KCNIP1: variants seen among roughly 807,000 people sequenced by gnomAD.
KCNIP1 encodes A-type potassium channel modulatory protein KCNIP1.
A neutral mutation model predicts 33.0 loss-of-function variants in KCNIP1; 18 were observed. The ratio of observed to expected loss-of-function variants is 0.55; its 90% CI spans 0.38 to 0.81. The LOEUF is 0.81. Ranked by LOEUF, KCNIP1 falls within the 30% of genes least tolerant of loss-of-function variation. The pLI, the probability that KCNIP1 is intolerant of heterozygous loss-of-function variation, is 0.00. For missense variants in KCNIP1, 238 were observed against 271.6 expected (o/e 0.88, Z 0.87); for synonymous variants, 93 against 98.3 (o/e 0.95, Z 0.32).
At chr5:170,457,632 T>A (rs4867604) in intron 1 of KCNIP1, among the ~76,000 whole-genome samples, 2 of 151,868 alleles carry the variant, frequency 1.3e-5, no homozygotes, top group African/African-American at 4.8e-5. Context: ...GCCACATCCC[T>A]AGGAAAAGGG....
At chr5:170,440,869 C>T (rs1029725197) in intron 1 of KCNIP1, among the ~76,000 whole-genome samples, 3 of 152,154 alleles carry the variant, frequency 2.0e-5, no homozygotes, top group Admixed American at 6.5e-5. Context: ...ATGAAGCTTC[C>T]GCTCTGGACA....
chr5:170,465,831 G>T (rs1449546660), intron 1 of KCNIP1, among the ~76,000 whole-genome samples: 1 of 152,188 alleles, frequency 6.6e-6, no homozygotes. Flanking sequence ...CAAGTGCAAG[G>T]TCCCAAGAGG....
intron 1 of KCNIP1, among the ~76,000 whole-genome samples, chr5:170,531,671 G>C (rs1244492100): frequency 3.9e-5 from 6 of 152,316 alleles, no homozygotes; most frequent in Admixed American, 1.3e-4. Flanking sequence ...AACAGGATCT[G>C]TTCCTTTCCC....
chr5:170,374,038 A>G (rs560544377), intron 1 of KCNIP1, among the ~76,000 whole-genome samples: 1 of 152,248 alleles, frequency 6.6e-6, no homozygotes, highest in East Asian at 1.9e-4. Flanking sequence ...CAAACACAAG[A>G]CCAATTCAAA....
At position 170,504,731 on chromosome 5, in the gene KCNIP1, T is replaced by G; in HGVS notation, c.61+98T>G. The stretch of plus-strand genomic sequence containing the variant: ...CTGCCTCCCTTAGTCCGGACTCTCC[T>G]CTCCACGAGGAGCCCGGACAGGTGC... On this transcript the variant is annotated intron_variant, in intron 1 of 7. Coordinates refer to ENST00000328939, the MANE Select transcript of KCNIP1 (RefSeq NM_014592.4). This position sits in a 1 kb window ranked among gnomAD's most constrained non-coding sequence, Gnocchi z 6.0. 1 of 1,004,446 alleles carries G rather than the reference T, an allele frequency of 1.0e-6. No homozygotes were observed. The highest frequency in any genetic ancestry group is 1.3e-5 in the South Asian group (1 of 77,362). The allele number at this position is 1,004,446 out of a possible 1,614,324, so 62.2% of individuals were successfully genotyped here.
At chr5:170,457,220 CA>C (rs1756402355) in intron 1 of KCNIP1, among the ~76,000 whole-genome samples, 1 of 129,130 alleles carries the variant, frequency 7.7e-6, no homozygotes, top group South Asian at 2.7e-4. Flanking sequence ...ACACAAACTA[CA>C]AAAACTGACT....
chr5:170,426,273 A>AC (rs59199875), intron 1 of KCNIP1, among the ~76,000 whole-genome samples: 93 of 151,694 alleles, frequency 6.1e-4, no homozygotes, highest in Non-Finnish European at 7.8e-4. Flanking sequence ...ACACACACAC[A>AC]AACACACACA....
chr5:170,458,179 C>T (rs1756430832), intron 1 of KCNIP1, among the ~76,000 whole-genome samples: 1 of 152,126 alleles, frequency 6.6e-6, no homozygotes, highest in African/African-American at 2.4e-5. Context: ...TGAACAAAGC[C>T]TCCAATAAGT....
chr5:170,512,812 G>C (rs1485935276), intron 1 of KCNIP1, among the ~76,000 whole-genome samples: 2 of 152,160 alleles, frequency 1.3e-5, no homozygotes, highest in Admixed American at 1.3e-4. Flanking sequence ...CACTTTGGGA[G>C]GCCGAGGCTG....
intron 5 of KCNIP1, among the ~76,000 whole-genome samples, chr5:170,731,702 A>AAAAAAAG (rs1188746668): frequency 7.7e-6 from 1 of 130,318 alleles, no homozygotes; most frequent in Admixed American, 7.6e-5. Flanking sequence ...TCAAAAAAAA[A>AAAAAAAG]AAAAAAGAAA....
At position 170,706,141 on chromosome 5, in the gene KCNIP1, ATTATGTTCCTAT is replaced by A. The variant is rs570377787; in HGVS notation, c.62-12614_62-12603del. On this transcript the variant is annotated intron_variant, in intron 1 of 7. Coordinates refer to ENST00000328939, the MANE Select transcript of KCNIP1 (RefSeq NM_014592.4). ...GCAAAAGCTCACATGGCCAGCTTCC[ATTATGTTCCTAT>A]TTGTGATTATTCTGTATCAAGCACA... 1.8e-4 allele frequency among the ~76,000 whole-genome samples: 27 copies of A among 152,332 alleles called. 1 individual carries two copies. In the South Asian group the frequency reaches 5.2e-3, roughly 29 times the overall value.
At chr5:170,532,728 G>C (rs1423310857) in intron 1 of KCNIP1, among the ~76,000 whole-genome samples, 1 of 152,092 alleles carries the variant, frequency 6.6e-6, no homozygotes, top group African/African-American at 2.4e-5. Flanking sequence ...GCCACCAGAG[G>C]GAGTGTCTGC....
intron 1 of KCNIP1, among the ~76,000 whole-genome samples, chr5:170,464,944 C>A (rs961930420): frequency 6.6e-6 from 1 of 152,280 alleles, no homozygotes; most frequent in South Asian, 2.1e-4. Context: ...GATGCCCAGA[C>A]GGTTAGGAGG....
At chr5:170,385,094 G>A (rs1764410067) in intron 1 of KCNIP1, among the ~76,000 whole-genome samples, 1 of 152,206 alleles carries the variant, frequency 6.6e-6, no homozygotes, top group Non-Finnish European at 1.5e-5. Context: ...CCTAGATCAT[G>A]TGTCTGTTAC....
At chr5:170,657,868 C>T (rs1022324738) in intron 1 of KCNIP1, among the ~76,000 whole-genome samples, 6 of 152,220 alleles carry the variant, frequency 3.9e-5, no homozygotes, top group Admixed American at 2.6e-4. Context: ...TGCTGCTGGA[C>T]TCCAGGCATG....
chr5:170,626,911 T>G (rs1444311658), intron 1 of KCNIP1, among the ~76,000 whole-genome samples: 3 of 152,070 alleles, frequency 2.0e-5, no homozygotes, highest in Non-Finnish European at 4.4e-5. Context: ...GATGCTCACT[T>G]CCCAGGCTCT....
rs547656021 is a variant in KCNIP1, at chr5:170,473,312, C to T, written c.88+119348C>T. 3.3e-5 allele frequency among the ~76,000 whole-genome samples: 5 copies of T among 152,294 alleles called. No individual in the cohort carries two copies. The South Asian group carries it at 1.0e-3, about 32-fold the overall frequency. ...GATGTCATGTTGTCATATGTATTAGCTGGCTAAATCTCACAGTTGCTGTAC... is the reference window on the plus strand; with the variant it reads ...GATGTCATGTTGTCATATGTATTAGTTGGCTAAATCTCACAGTTGCTGTAC... On this transcript the variant is annotated intron_variant, in intron 1 of 7. Transcript: ENST00000377360.
intron 1 of KCNIP1, among the ~76,000 whole-genome samples, chr5:170,550,591 A>ATGATGATGATGATGG (rs1756585616): frequency 6.7e-6 from 1 of 149,564 alleles, no homozygotes; most frequent in African/African-American, 2.5e-5. Context: ...GATGATGGCA[A>ATGATGATGATGATGG]TGATGATGAT....
intron 1 of KCNIP1, among the ~76,000 whole-genome samples, chr5:170,512,981 T>C (rs1581258377): frequency 6.7e-6 from 1 of 148,720 alleles, no homozygotes; most frequent in Non-Finnish European, 1.5e-5. Context: ...ACCCAGGAGG[T>C]GGAGCTTGCA....
Sources: allele counts gnomAD v4.1 joint callset (sites outside exome capture counted in the v4.1 genomes callset), GRCh38; gene constraint gnomAD v4.1.1; non-coding constraint Gnocchi (gnomAD v3.1); transcripts MANE v1.5; gene names NCBI Gene and HGNC (gene_info 2026-07-23, HGNC 2026-07-21).